SMUG1: variants seen among roughly 807,000 people sequenced by gnomAD.
SMUG1 encodes single-strand selective monofunctional uracil DNA glycosylase.
A neutral mutation model predicts 23.9 loss-of-function variants in SMUG1; 13 were observed. That is an observed-to-expected ratio of 0.54 (90% CI 0.35 to 0.86). SMUG1 has a LOEUF of 0.86. Ranked by LOEUF, SMUG1 falls within the 40% of genes least tolerant of loss-of-function variation. SMUG1 has a pLI of 0.01. For synonymous variants in SMUG1, 133 were observed against 139.8 expected, an observed-to-expected ratio of 0.95 and a Z score of 0.34; for missense variants, 313 against 339.5, an observed-to-expected ratio of 0.92 and a Z score of 0.61.
chr12:54,173,722 T>C (rs1259080064), intron 2 of SMUG1, among the ~76,000 whole-genome samples: 1 of 135,822 alleles, frequency 7.4e-6, no homozygotes, highest in African/African-American at 2.8e-5. Flanking sequence ...TCTGCAAATC[T>C]GTTTTCCAAG....
intron 2 of SMUG1, chr12:54,184,343 A>T (rs1482907470): frequency 1.3e-5 from 2 of 159,364 alleles, no homozygotes; most frequent in African/African-American, 4.8e-5. Flanking sequence ...CATCCTAAAA[A>T]AGAAAAGCCC....
downstream of SMUG1, among the ~76,000 whole-genome samples, chr12:54,164,239 G>GA (rs1348543544): frequency 6.6e-6 from 1 of 151,828 alleles, no homozygotes; most frequent in Non-Finnish European, 1.5e-5. Flanking sequence ...GGATGGCAGA[G>GA]AAGGGGGGCA....
At position 54,183,704 on chromosome 12, in the gene SMUG1, T is replaced by C. The variant is rs1245357743; in HGVS notation, c.237A>G (p.Val79=). The C allele has an allele frequency of 3.1e-6, 5 of 1,613,302 alleles. No individual in the cohort carries two copies. In the African/African-American group the frequency reaches 4.0e-5, roughly 13 times the overall value. The part of the protein sequence containing the change: ...VTRYCQGPKE[V]LFLGMNPGPF... The stretch of plus-strand genomic sequence containing the variant: ...GTCCAGGGTTCATGCCCAGGAAGAG[T>C]ACTTCCTTGGGGCCCTGGCAGTAGC... The change falls in exon 3 of 4, where the codon GTA becomes GTG. Residue 79 remains valine (V), a synonymous_variant. Transcript: ENST00000682136.
In SMUG1 at chr12:54,166,413, C is replaced by T. The variant is rs531336113; in HGVS notation, c.*53-935G>A. Among the ~76,000 whole-genome samples the T allele has an allele frequency of 8.6e-5, 13 of 152,032 alleles. No individual in the cohort carries two copies. In the East Asian group the frequency reaches 9.6e-4, roughly 11 times the overall value. On this transcript the variant is annotated intron_variant and NMD_transcript_variant, in intron 3 of 4. Coordinates refer to the SMUG1 transcript ENST00000509864. ...AGGCCATAGGACACAGGAAGAAGAA[C>T]GGCCCACATGAAGTTGTCCCAGTGC...
downstream of SMUG1, among the ~76,000 whole-genome samples, chr12:54,160,088 TC>T (rs1940196603): frequency 6.6e-6 from 1 of 152,168 alleles, no homozygotes; most frequent in Non-Finnish European, 1.5e-5. Context: ...GTGCCTGGGA[TC>T]CTTCAGCACA....
chr12:54,185,458 A>G, intron 2 of SMUG1, among the ~76,000 whole-genome samples: 1 of 133,170 alleles, frequency 7.5e-6, no homozygotes, highest in Non-Finnish European at 1.6e-5. Context: ...AAAGAGCAAG[A>G]CTCCATCTCA....
chr12:54,182,643 C>A lies in SMUG1; in HGVS notation c.286-20G>T, dbSNP rs777128921. The A allele has an allele frequency of 3.8e-6, 6 of 1,588,244 alleles. No individual in the cohort carries two copies. The African/African-American group carries it at 4.1e-5, about 11-fold the overall frequency. On this transcript the variant is annotated intron_variant, in intron 3 of 3. Coordinates refer to ENST00000682136, the MANE Select transcript of SMUG1 (RefSeq NM_001243787.2). ...GGGCACCTGTGAGGAAGGAGAGAGACATGAAAGGCTTCAAACTGGAGACCT... is the reference window on the plus strand; with the variant it reads ...GGGCACCTGTGAGGAAGGAGAGAGAAATGAAAGGCTTCAAACTGGAGACCT...
intron 3 of SMUG1, among the ~76,000 whole-genome samples, chr12:54,169,564 A>G (rs993248523): frequency 6.6e-5 from 10 of 151,976 alleles, no homozygotes; most frequent in African/African-American, 2.4e-5. Context: ...GAGTCAGGGT[A>G]AGGAAAAACC....
chr12:54,164,049 C>G (rs557927746), downstream of SMUG1, among the ~76,000 whole-genome samples: 1 of 151,702 alleles, frequency 6.6e-6, no homozygotes, highest in Non-Finnish European at 1.5e-5. Flanking sequence ...AAGCCTGACC[C>G]GGGAGGCAGA....
At chr12:54,170,016 T>C (rs1940574494) in intron 3 of SMUG1, among the ~76,000 whole-genome samples, 1 of 151,934 alleles carries the variant, frequency 6.6e-6, no homozygotes, top group Admixed American at 6.5e-5. Context: ...CTGACCAACA[T>C]GGAGAAACCC....
downstream of SMUG1, among the ~76,000 whole-genome samples, chr12:54,177,322 C>T (rs931434668): frequency 2.6e-5 from 4 of 152,172 alleles, no homozygotes; most frequent in East Asian, 1.9e-4. Flanking sequence ...AAACCTCCAC[C>T]GGTTAATTCG....
rs527888624 is a variant in SMUG1, at chr12:54,181,246, C to T, written c.*850G>A. ...GCAAGAATTTTCCCTTCACCCTGGCCGCAGGTGGAAGCCCAGACTCTCTCC... is the reference window on the plus strand; with the variant it reads ...GCAAGAATTTTCCCTTCACCCTGGCTGCAGGTGGAAGCCCAGACTCTCTCC... On this transcript the variant is annotated 3_prime_UTR_variant, in exon 4 of 4. Transcript: ENST00000682136. 8 of 327,438 alleles carry T rather than the reference C, an allele frequency of 2.4e-5. No homozygotes were observed. Among genetic ancestry groups the T allele is most frequent in the South Asian group, 1.7e-4 (2 of 11,638 alleles). 20.3% of individuals were successfully genotyped at this position (327,438 alleles called of 1,614,324 possible).
intron 3 of SMUG1, among the ~76,000 whole-genome samples, chr12:54,170,198 T>TAA (rs34662291): frequency 4.3e-4 from 59 of 135,706 alleles, no homozygotes; most frequent in Middle Eastern, 3.8e-3. Context: ...AACTCTGTCT[T>TAA]AAAAAAAAAA....
intron 4 of SMUG1, among the ~76,000 whole-genome samples, chr12:54,158,259 A>C (rs1027201985): frequency 2.0e-5 from 3 of 152,194 alleles, no homozygotes; most frequent in Non-Finnish European, 4.4e-5. Flanking sequence ...AATATCATTT[A>C]ATAAGGATAG....
intron 3 of SMUG1, among the ~76,000 whole-genome samples, chr12:54,170,448 G>A (rs901020354): frequency 2.6e-5 from 4 of 152,058 alleles, no homozygotes; most frequent in African/African-American, 9.7e-5. Flanking sequence ...AGTGGACTGG[G>A]ACCATCTAGA....
chr12:54,177,919 T>G (rs1940795114), downstream of SMUG1, among the ~76,000 whole-genome samples: 1 of 152,136 alleles, frequency 6.6e-6, no homozygotes, highest in Non-Finnish European at 1.5e-5. Flanking sequence ...TATGCCCCCC[T>G]GCCGATTTGT....
At chr12:54,158,610 C>A (rs996188055) in intron 4 of SMUG1, among the ~76,000 whole-genome samples, 2 of 152,122 alleles carry the variant, frequency 1.3e-5, no homozygotes, top group African/African-American at 4.8e-5. Flanking sequence ...TCTTTACAAT[C>A]CTGGGGTCTT....
At chr12:54,178,653 A>G (rs1940811185), downstream of SMUG1, among the ~76,000 whole-genome samples, 1 of 151,810 alleles carries the variant, frequency 6.6e-6, no homozygotes, top group Non-Finnish European at 1.5e-5. Context: ...CACTTCCCCC[A>G]CTACACTTTA....
At chr12:54,177,052 G>A (rs570828831), downstream of SMUG1, among the ~76,000 whole-genome samples, 13 of 152,142 alleles carry the variant, frequency 8.5e-5, no homozygotes, top group Non-Finnish European at 1.5e-4. Flanking sequence ...GATGGCACAC[G>A]GGTAGCTTTC....
Sources: allele counts gnomAD v4.1 joint callset (sites outside exome capture counted in the v4.1 genomes callset), GRCh38; gene constraint gnomAD v4.1.1; transcripts MANE v1.5; gene names NCBI Gene and HGNC (gene_info 2026-07-23, HGNC 2026-07-21).